The following DENND1B variants were observed in gnomAD, a reference collection of about 807,000 sequenced individuals.
The protein encoded by DENND1B is DENN domain containing 1B, also known as DENN domain-containing protein 1B.
In DENND1B, 59 loss-of-function variants were observed where a neutral mutation model predicts 90.1. The observed-to-expected ratio is 0.65, with a 90% CI of 0.53 to 0.81. The LOEUF (loss-of-function observed/expected upper bound fraction) is 0.81, where lower values mean the gene tolerates loss of function less well. DENND1B is among the 40% of genes least tolerant of loss of function. The pLI is 0.00. For synonymous variants in DENND1B, 337 were observed against 324.6 expected, an observed-to-expected ratio of 1.04 and a Z score of -0.41; for missense variants, 862 against 912.6, an observed-to-expected ratio of 0.94 and a Z score of 0.71.
chr1:197,770,647 A>AACAC (rs1656338702), intron 2 of DENND1B, among the ~76,000 whole-genome samples: 1 of 143,540 alleles, frequency 7.0e-6, no homozygotes, highest in Non-Finnish European at 1.5e-5. Flanking sequence ...TATATCTATA[A>AACAC]ATATATATCT....
rs1159186198 is a variant in DENND1B, at chr1:197,746,725, A to G, written c.82+26143T>C. The G allele has an allele frequency of 1.1e-4, 107 of 997,518 alleles. 1 individual carries two copies. The East Asian group carries it at 2.5e-3, about 24-fold the overall frequency. The allele number at this position is 997,518 out of a possible 1,614,324, so 61.8% of individuals were successfully genotyped here. A position where few individuals can be genotyped will look rare whatever the true frequency, so the allele number is the denominator to read the frequency against. On this transcript the variant is annotated intron_variant, in intron 2 of 22. Transcript: ENST00000620048. Reference sequence around the variant, plus strand: ...AGTAAATTGAGCATTTGAGTCCACAAATGTCTTGAAGCACTCTGGCAAGTT... The same window carrying G: ...AGTAAATTGAGCATTTGAGTCCACAGATGTCTTGAAGCACTCTGGCAAGTT...
chr1:197,538,809 G>C (rs1477977492), intron 20 of DENND1B, among the ~76,000 whole-genome samples: 1 of 151,890 alleles, frequency 6.6e-6, no homozygotes, highest in Non-Finnish European at 1.5e-5. Flanking sequence ...ATGGTATTAA[G>C]AAGTGGGACT....
Position 197,510,940 on chromosome 1 carries a change from C to A in DENND1B, c.1848G>T (p.Leu616=). The A allele has an allele frequency of 6.5e-7, 1 of 1,548,244 alleles. No individual in the cohort carries two copies. The highest frequency in any genetic ancestry group is 8.7e-7 in the Non-Finnish European group (1 of 1,152,238). ...NKSNAPSENN[L]AFLCGGSGDQ... ...CACCAGAACCACCACAGAGGAAAGC[C>A]AGGTTATTCTCACTAGGAGCATTAG... is the stretch of plus-strand genomic sequence containing the variant. The change falls in exon 23 of 23, where the codon CTG becomes CTT. Residue 616 remains leucine, a synonymous_variant. Coordinates refer to ENST00000620048, the MANE Select transcript of DENND1B (RefSeq NM_001195215.2).
chr1:197,530,640 A>T (rs1476398522), intron 20 of DENND1B, among the ~76,000 whole-genome samples: 1 of 152,156 alleles, frequency 6.6e-6, no homozygotes, highest in Non-Finnish European at 1.5e-5. Context: ...GTGATCCTGG[A>T]CTATAACTAC....
chr1:197,661,412 C>T lies in DENND1B; in HGVS notation c.297-3043G>A, dbSNP rs183102013. ...TAGTCATTTCAAACTCACATTTCAA[C>T]TTTTAATAGCCTGAAGAAATTGCTA... On this transcript the variant is annotated intron_variant, in intron 5 of 22. Coordinates refer to ENST00000620048, the MANE Select transcript of DENND1B (RefSeq NM_001195215.2). Among the ~76,000 whole-genome samples the T allele has an allele frequency of 4.7e-3, 712 of 152,106 alleles. 6 individuals are homozygous for T. Among genetic ancestry groups the T allele is most frequent in the Non-Finnish European group, 8.4e-3 (572 of 67,956 alleles).
At chr1:197,769,639 AGTT>A (rs1656150746) in intron 2 of DENND1B, among the ~76,000 whole-genome samples, 2 of 152,188 alleles carry the variant, frequency 1.3e-5, no homozygotes, top group Non-Finnish European at 2.9e-5. Flanking sequence ...AAGTTTCTCT[AGTT>A]TCTCTATTAT....
At chr1:197,633,289 A>G (rs1394663072) in intron 10 of DENND1B, among the ~76,000 whole-genome samples, 1 of 152,220 alleles carries the variant, frequency 6.6e-6, no homozygotes, top group East Asian at 1.9e-4. Context: ...AAGGGTACAA[A>G]CAGAGGCTGA....
chr1:197,529,242 A>ATATGTG (rs1553277550), intron 20 of DENND1B, among the ~76,000 whole-genome samples: 53 of 10,832 alleles, frequency 4.9e-3, no homozygotes, highest in African/African-American at 7.6e-3. Context: ...ATATATATAT[A>ATATGTG]TGTGTGTGTG....
chr1:197,728,978 A>G (rs777496772), intron 2 of DENND1B, among the ~76,000 whole-genome samples: 4 of 152,142 alleles, frequency 2.6e-5, no homozygotes, highest in Non-Finnish European at 4.4e-5. Context: ...GTGTCTTTTC[A>G]CATAAATAAA....
intron 10 of DENND1B, among the ~76,000 whole-genome samples, chr1:197,635,974 TAA>T (rs529170463): frequency 1.4e-5 from 2 of 138,120 alleles, no homozygotes; most frequent in Non-Finnish European, 1.6e-5. Context: ...TGAACAAGAT[TAA>T]AAAAAAAAAA....
chr1:197,664,040 T>TA (rs1381661701), intron 5 of DENND1B, among the ~76,000 whole-genome samples: 1 of 150,206 alleles, frequency 6.7e-6, no homozygotes, highest in Non-Finnish European at 1.5e-5. Context: ...GAGAGAGAGA[T>TA]AAAAAATACT....
chr1:197,713,793 T>TATTTATTATAATA (rs1376908590), intron 3 of DENND1B, among the ~76,000 whole-genome samples: 2 of 20,226 alleles, frequency 9.9e-5, no homozygotes, highest in Non-Finnish European at 1.6e-4. Context: ...TATTATAATA[T>TATTTATTATAATA]TATTATATTA....
chr1:197,612,094 C>T lies in DENND1B; in HGVS notation c.774-118G>A, dbSNP rs985586075. On this transcript the variant is annotated intron_variant, in intron 11 of 22. Coordinates refer to ENST00000620048, the MANE Select transcript of DENND1B (RefSeq NM_001195215.2). ...TATTAAATGCTCAGTTCCAGCATAA[C>T]ACATTATAGATATTCAAAATTATTC... 52 of 687,760 alleles carry T rather than the reference C, an allele frequency of 7.6e-5. No individual in the cohort carries two copies. The African/African-American group carries it at 8.7e-4, about 12-fold the overall frequency. The allele number at this position is 687,760 out of a possible 1,614,324, so 42.6% of individuals were successfully genotyped here.
intron 17 of DENND1B, 45 bp downstream of exon 17, chr1:197,546,688 A>C: frequency 6.7e-7 from 1 of 1,491,232 alleles, no homozygotes; most frequent in South Asian, 1.3e-5. Flanking sequence ...ACATTTCTCC[A>C]TTTATATTAG....
intron 15 of DENND1B, among the ~76,000 whole-genome samples, chr1:197,555,594 A>C (rs887861518): frequency 6.6e-6 from 1 of 152,192 alleles, no homozygotes; most frequent in African/African-American, 2.4e-5. Flanking sequence ...GCCAAGAAAC[A>C]TATGAAAGAA....
intron 9 of DENND1B, among the ~76,000 whole-genome samples, chr1:197,643,088 T>C (rs765230072): frequency 6.6e-6 from 1 of 152,124 alleles, no homozygotes; most frequent in Non-Finnish European, 1.5e-5. Flanking sequence ...CCGCTAAGTA[T>C]TTGAAAAGAA....
intron 2 of DENND1B, among the ~76,000 whole-genome samples, chr1:197,729,569 T>C (rs915245962): frequency 6.6e-6 from 1 of 152,158 alleles, no homozygotes; most frequent in African/African-American, 2.4e-5. Flanking sequence ...AGAGTAAAGC[T>C]ATTACTAATT....
chr1:197,625,620 C>A (rs1412041699), intron 10 of DENND1B, among the ~76,000 whole-genome samples: 54 of 151,922 alleles, frequency 3.6e-4, no homozygotes, highest in African/African-American at 1.3e-3. Context: ...CGAGCAAAAT[C>A]ACCAGCTAAC....
At chr1:197,585,004 C>T (rs2193733) in intron 14 of DENND1B, among the ~76,000 whole-genome samples, 121,691 of 152,136 alleles carry the variant, frequency 0.8, 48,796 homozygotes, top group East Asian at 0.87. Flanking sequence ...CTACAGATGA[C>T]CTTTAAATTA....
Sources: allele counts gnomAD v4.1 joint callset (sites outside exome capture counted in the v4.1 genomes callset), GRCh38; gene constraint gnomAD v4.1.1; transcripts MANE v1.5; gene names NCBI Gene and HGNC (gene_info 2026-07-23, HGNC 2026-07-21).